Variants in ERC2 observed in about 807,000 individuals in gnomAD.
ERC2 encodes ELKS/RAB6-interacting/CAST family member 2.
ERC2 carries 42 observed loss-of-function variants against 114.8 expected under a neutral mutation model. The ratio of observed to expected loss-of-function variants is 0.37; its 90% CI spans 0.29 to 0.47. The LOEUF (loss-of-function observed/expected upper bound fraction) is 0.47, where lower values mean the gene tolerates loss of function less well. ERC2 is among the 20% of genes least tolerant of loss of function. The probability of loss-of-function intolerance (pLI) is 0.99; values close to 1 mark genes in which losing one functional copy is unlikely to be tolerated. For synonymous variants in ERC2, 454 were observed against 425.5 expected, an observed-to-expected ratio of 1.07 and a Z score of -0.82; for missense variants, 939 against 1,150.7, an observed-to-expected ratio of 0.82 and a Z score of 2.66.
chr3:56,122,784 T>A (rs2079651677), intron 6 of ERC2, among the ~76,000 whole-genome samples: 1 of 152,178 alleles, frequency 6.6e-6, no homozygotes, highest in South Asian at 2.1e-4. Context: ...AGTCTTATAA[T>A]GCAATCTCCT....
At chr3:55,537,223 C>T (rs1261694391) in intron 17 of ERC2, among the ~76,000 whole-genome samples, 1 of 152,116 alleles carries the variant, frequency 6.6e-6, no homozygotes, top group Non-Finnish European at 1.5e-5. Flanking sequence ...CACAGCCATG[C>T]TGGGTGCCAC....
intron 3 of ERC2, among the ~76,000 whole-genome samples, chr3:56,221,580 T>A (rs1371360611): frequency 6.6e-6 from 1 of 152,126 alleles, no homozygotes; most frequent in African/African-American, 2.4e-5. Context: ...ACTACCTACC[T>A]CCATGTAAAC....
chr3:55,745,437 G>C (rs905237195), intron 14 of ERC2, among the ~76,000 whole-genome samples: 1 of 152,166 alleles, frequency 6.6e-6, no homozygotes. Flanking sequence ...TAAAAAATTG[G>C]TAAATCTAGG....
At chr3:55,713,011 T>C (rs982975321) in intron 15 of ERC2, among the ~76,000 whole-genome samples, 2 of 152,054 alleles carry the variant, frequency 1.3e-5, no homozygotes, top group African/African-American at 4.8e-5. Flanking sequence ...TTAGGTTCCA[T>C]TGATTTTTAC....
intron 14 of ERC2, among the ~76,000 whole-genome samples, chr3:55,736,051 A>G (rs1051019549): frequency 6.6e-6 from 1 of 152,172 alleles, no homozygotes; most frequent in Non-Finnish European, 1.5e-5. Context: ...ATGCACTACT[A>G]TAAAAACATC....
At chr3:56,099,588 C>A (rs367839678) in intron 6 of ERC2, among the ~76,000 whole-genome samples, 5 of 151,994 alleles carry the variant, frequency 3.3e-5, no homozygotes, top group African/African-American at 1.2e-4. Flanking sequence ...ATCAATAGAG[C>A]CGGAGGGGAA....
intron 14 of ERC2, among the ~76,000 whole-genome samples, chr3:55,738,022 G>A (rs766933014): frequency 3.3e-5 from 5 of 152,102 alleles, no homozygotes; most frequent in African/African-American, 7.2e-5. Flanking sequence ...CAGTCCATCC[G>A]ACTGGCCTCC....
intron 14 of ERC2, among the ~76,000 whole-genome samples, chr3:55,778,657 A>G (rs2068791949): frequency 6.6e-6 from 1 of 152,224 alleles, no homozygotes; most frequent in African/African-American, 2.4e-5. Context: ...CATCCACAAT[A>G]TGACACATTA....
chr3:56,427,085 C>A (rs1459584350), intron 2 of ERC2, among the ~76,000 whole-genome samples: 2 of 150,352 alleles, frequency 1.3e-5, no homozygotes, highest in African/African-American at 2.5e-5. Flanking sequence ...CACTTAACCC[C>A]AGGGAGGTAA....
chr3:56,114,563 G>C (rs942268603), intron 6 of ERC2, among the ~76,000 whole-genome samples: 1 of 152,056 alleles, frequency 6.6e-6, no homozygotes, highest in African/African-American at 2.4e-5. Context: ...GTGAGTAGGG[G>C]GATTAGGATT....
At chr3:56,296,937 T>C (rs1375778625) in intron 2 of ERC2, among the ~76,000 whole-genome samples, 1 of 152,124 alleles carries the variant, frequency 6.6e-6, no homozygotes, top group Non-Finnish European at 1.5e-5. Context: ...TTTTTACAAA[T>C]AAAGCTGTGA....
intron 17 of ERC2, among the ~76,000 whole-genome samples, chr3:55,622,216 G>A (rs2059358590): frequency 6.6e-6 from 1 of 152,148 alleles, no homozygotes; most frequent in South Asian, 2.1e-4. Context: ...TAGAAGCCAG[G>A]TAAAGCACCC....
intron 17 of ERC2, among the ~76,000 whole-genome samples, chr3:55,549,930 A>AAGAGAG (rs372694701): frequency 5.3e-5 from 5 of 94,050 alleles, no homozygotes; most frequent in Admixed American, 2.4e-4. Flanking sequence ...CGACACACAC[A>AAGAGAG]AGAGAGAGAG....
At chr3:56,310,149 A>G (rs2056457699) in intron 2 of ERC2, among the ~76,000 whole-genome samples, 2 of 152,202 alleles carry the variant, frequency 1.3e-5, no homozygotes, top group Non-Finnish European at 1.5e-5. Flanking sequence ...ACAACCAACT[A>G]AAGGATAATG....
chr3:56,446,815 CAG>C (rs1305432039), intron 1 of ERC2, among the ~76,000 whole-genome samples: 2 of 151,502 alleles, frequency 1.3e-5, no homozygotes, highest in Non-Finnish European at 2.9e-5. Flanking sequence ...GGGGTAGGGA[CAG>C]AGTTTCACCA....
At chr3:56,060,759 C>A (rs1460114986) in intron 7 of ERC2, among the ~76,000 whole-genome samples, 2 of 152,206 alleles carry the variant, frequency 1.3e-5, no homozygotes, top group African/African-American at 2.4e-5. Context: ...ATTACAACAG[C>A]CAAATTGAAT....
chr3:56,056,217 C>T (rs1166350844), intron 7 of ERC2, among the ~76,000 whole-genome samples: 1 of 152,074 alleles, frequency 6.6e-6, no homozygotes, highest in African/African-American at 2.4e-5. Flanking sequence ...AACACCTGTC[C>T]CTAGAGGACA....
intron 3 of ERC2, among the ~76,000 whole-genome samples, chr3:56,292,358 C>G (rs1047017624): frequency 4.7e-5 from 7 of 149,730 alleles, no homozygotes; most frequent in African/African-American, 1.7e-4. Flanking sequence ...CTGAGGCAGG[C>G]AGATCGCTTG....
At chr3:55,748,087 G>GC (rs1177096140) in intron 14 of ERC2, among the ~76,000 whole-genome samples, 1 of 152,174 alleles carries the variant, frequency 6.6e-6, no homozygotes, top group Non-Finnish European at 1.5e-5. Context: ...TCGCAAGGGA[G>GC]CCAGCCCAAG....
Sources: gnomAD v4.1 joint callset for allele counts (sites outside exome capture counted in the v4.1 genomes callset) on GRCh38, gnomAD v4.1.1 for gene constraint, MANE v1.5 for transcripts, NCBI Gene and HGNC (gene_info 2026-07-23, HGNC 2026-07-21) for gene names.